The following NDFIP1 variants were observed in gnomAD, a reference collection of about 807,000 sequenced individuals.
NDFIP1 encodes Nedd4 family interacting protein 1, also known as NEDD4 family-interacting protein 1.
Under a neutral mutation model 28.8 loss-of-function variants are expected in NDFIP1, and 7 were observed. That is an observed-to-expected ratio of 0.24 (90% CI 0.14 to 0.46). NDFIP1 has a LOEUF of 0.46. NDFIP1 is among the 20% of genes least tolerant of loss of function. The probability of loss-of-function intolerance (pLI) is 0.99; values close to 1 mark genes in which losing one functional copy is unlikely to be tolerated. For synonymous variants in NDFIP1, 92 were observed against 101.0 expected (o/e 0.91, Z 0.53); for missense variants, 194 against 269.1 (o/e 0.72, Z 1.95).
At chr5:142,121,013 A>G (rs777929035) in intron 1 of NDFIP1, among the ~76,000 whole-genome samples, 1 of 152,238 alleles carries the variant, frequency 6.6e-6, no homozygotes, top group Non-Finnish European at 1.5e-5. Flanking sequence ...TCTCACTATC[A>G]GAGCTGAGCA....
chr5:142,141,081 A>C (rs1363646422), intron 6 of NDFIP1, among the ~76,000 whole-genome samples: 1 of 151,950 alleles, frequency 6.6e-6, no homozygotes, highest in South Asian at 2.1e-4. Flanking sequence ...GCTAGACATA[A>C]CTTCTGAAAG....
At chr5:142,114,267 G>A (rs1757043096) in intron 1 of NDFIP1, among the ~76,000 whole-genome samples, 2 of 152,140 alleles carry the variant, frequency 1.3e-5, no homozygotes, top group African/African-American at 4.8e-5. Context: ...TCTAATGGGT[G>A]TGAAGTGGTA....
At chr5:142,126,714 G>A (rs1472464542) in intron 1 of NDFIP1, among the ~76,000 whole-genome samples, 1 of 152,106 alleles carries the variant, frequency 6.6e-6, no homozygotes, top group African/African-American at 2.4e-5. Flanking sequence ...GTTGCCCCTT[G>A]CTTAGCCCTA....
intron 7 of NDFIP1, among the ~76,000 whole-genome samples, chr5:142,148,662 A>G (rs1757415267): frequency 6.6e-6 from 1 of 150,674 alleles, no homozygotes; most frequent in Non-Finnish European, 1.5e-5. Context: ...GAGGCAGAAG[A>G]ATCGCTTGAA....
chr5:142,134,500 A>C (rs1463258382), intron 3 of NDFIP1, among the ~76,000 whole-genome samples: 2 of 152,176 alleles, frequency 1.3e-5, no homozygotes, highest in Non-Finnish European at 2.9e-5. Flanking sequence ...TTAAGTTAGA[A>C]AAGGAAGCTG....
At chr5:142,149,175 A>T (rs1400712959) in intron 7 of NDFIP1, among the ~76,000 whole-genome samples, 1 of 152,208 alleles carries the variant, frequency 6.6e-6, no homozygotes, top group Middle Eastern at 3.4e-3. Context: ...CAAATATTTT[A>T]ATTTTTTTCC....
intron 7 of NDFIP1, among the ~76,000 whole-genome samples, chr5:142,148,294 A>C (rs539199032): frequency 2.6e-5 from 4 of 152,288 alleles, no homozygotes; most frequent in African/African-American, 9.6e-5. Context: ...CTAAACATTA[A>C]AGCTCATGTA....
intron 1 of NDFIP1, among the ~76,000 whole-genome samples, chr5:142,110,943 C>T (rs1402041799): frequency 3.3e-5 from 5 of 151,692 alleles, no homozygotes. Flanking sequence ...AGTAACTTGC[C>T]TCAAGGTCAC....
chr5:142,112,403 G>T (rs965075144), intron 1 of NDFIP1, among the ~76,000 whole-genome samples: 1 of 151,446 alleles, frequency 6.6e-6, no homozygotes, highest in Non-Finnish European at 1.5e-5. Flanking sequence ...GCACGGTGTG[G>T]TGGTGCACAT....
In NDFIP1 at chr5:142,153,304, C is replaced by T. The variant is rs1361172376; in HGVS notation, c.*1576C>T. 6 of 456,352 alleles carry T rather than the reference C, an allele frequency of 1.3e-5. No individual in the cohort carries two copies. In the Admixed American group the frequency reaches 1.4e-4, roughly 11 times the overall value. The allele number at this position is 456,352 out of a possible 1,614,324, so 28.3% of individuals were successfully genotyped here. A position where few individuals can be genotyped will look rare whatever the true frequency, so the allele number is the denominator to read the frequency against. On this transcript the variant is annotated 3_prime_UTR_variant, in exon 8 of 8. Transcript: ENST00000253814. ...TTAAGAAATATGAAGAAAAAATACA[C>T]CAAGATGGTCAAATTACTACACAAA...
At chr5:142,150,174 C>T (rs1461585609) in intron 7 of NDFIP1, among the ~76,000 whole-genome samples, 2 of 62,128 alleles carry the variant, frequency 3.2e-5, no homozygotes, top group Non-Finnish European at 6.1e-5. Flanking sequence ...GAGCGGGACT[C>T]CGTCTCAAAA....
At chr5:142,139,482 G>T (rs374923872) in intron 5 of NDFIP1, among the ~76,000 whole-genome samples, 6 of 152,134 alleles carry the variant, frequency 3.9e-5, no homozygotes, top group African/African-American at 1.2e-4. Flanking sequence ...GCAGTTTCAC[G>T]TATCAGTATT....
At chr5:142,115,515 C>T (rs1325564785) in intron 1 of NDFIP1, among the ~76,000 whole-genome samples, 2 of 152,104 alleles carry the variant, frequency 1.3e-5, no homozygotes. Flanking sequence ...GAACTCCTGA[C>T]CTCAAGTGAT....
chr5:142,152,406 A>G lies in NDFIP1; in HGVS notation c.*678A>G, dbSNP rs1757455935. ...TTCTAAAGGTGTTGTCACTGTATAA[A>G]ACAGAAAGCACTAGGATACAAATGA... On this transcript the variant is annotated 3_prime_UTR_variant, in exon 8 of 8. Coordinates refer to ENST00000253814, the MANE Select transcript of NDFIP1 (RefSeq NM_030571.4). The G allele has an allele frequency of 6.6e-6, 1 of 152,310 alleles. No homozygotes were observed. Among genetic ancestry groups the G allele is most frequent in the Non-Finnish European group, 1.5e-5 (1 of 68,012 alleles). The allele number at this position is 152,310 out of a possible 1,614,324, so 9.4% of individuals were successfully genotyped here. A position where few individuals can be genotyped will look rare whatever the true frequency, so the allele number is the denominator to read the frequency against.
intron 6 of NDFIP1, among the ~76,000 whole-genome samples, chr5:142,141,559 A>G (rs1757332441): frequency 6.6e-6 from 1 of 152,120 alleles, no homozygotes; most frequent in African/African-American, 2.4e-5. Context: ...ATTGGAGTAA[A>G]TTATTTCAAT....
intron 7 of NDFIP1, among the ~76,000 whole-genome samples, chr5:142,144,890 CATT>C (rs1372661493): frequency 6.6e-6 from 1 of 152,184 alleles, no homozygotes; most frequent in Admixed American, 6.5e-5. Context: ...TAGGAGAAAT[CATT>C]ACTTCATGCT....
intron 3 of NDFIP1, among the ~76,000 whole-genome samples, chr5:142,134,615 T>G (rs562527881): frequency 2.6e-5 from 4 of 152,310 alleles, no homozygotes; most frequent in African/African-American, 7.2e-5. Flanking sequence ...AGTTTTGATA[T>G]TCCCTAAAAT....
At chr5:142,111,882 C>T (rs1485325582) in intron 1 of NDFIP1, among the ~76,000 whole-genome samples, 1 of 151,532 alleles carries the variant, frequency 6.6e-6, no homozygotes, top group Non-Finnish European at 1.5e-5. Flanking sequence ...GCCTGGCCAA[C>T]ATGGCAAAAC....
At chr5:142,129,634 T>G (rs1430126437) in intron 1 of NDFIP1, among the ~76,000 whole-genome samples, 1 of 152,084 alleles carries the variant, frequency 6.6e-6, no homozygotes, top group Non-Finnish European at 1.5e-5. Flanking sequence ...AGTTAAAATT[T>G]AATGGATTGT....
Sources: gnomAD v4.1 joint callset for allele counts (sites outside exome capture counted in the v4.1 genomes callset) on GRCh38, gnomAD v4.1.1 for gene constraint, MANE v1.5 for transcripts, NCBI Gene and HGNC (gene_info 2026-07-23, HGNC 2026-07-21) for gene names.